Variants in PARD3B observed in about 807,000 individuals in gnomAD.
PARD3B encodes the protein par-3 family cell polarity regulator beta.
A neutral mutation model predicts 130.2 loss-of-function variants in PARD3B; 103 were observed. That is an observed-to-expected ratio of 0.79 (90% confidence interval 0.67 to 0.93). PARD3B has a LOEUF of 0.93. PARD3B is among the 40% of genes least tolerant of loss of function. The pLI is 0.00. For missense variants in PARD3B, 1,609 were observed against 1,499.2 expected, an observed-to-expected ratio of 1.07 and a Z score of -1.21; for synonymous variants, 583 against 553.2, an observed-to-expected ratio of 1.05 and a Z score of -0.76.
rs531135572 is a variant in PARD3B at position 205,300,572 on chromosome 2, A to G, written c.2228A>G (p.Lys743Arg). 7 of 1,613,890 alleles carry G rather than the reference A, an allele frequency of 4.3e-6. No homozygotes were observed. The East Asian group carries it at 1.6e-4, about 36-fold the overall frequency. The change falls in exon 17 of 23, where the codon AAG becomes AGG. Residue 743 changes from lysine to arginine, a missense_variant. Lys to Arg is a conservative substitution (Grantham distance 26, BLOSUM62 2). Coordinates refer to ENST00000406610, the MANE Select transcript of PARD3B (RefSeq NM_001302769.2). The surrounding 1 kb of genome is among the most constrained non-coding windows in gnomAD (Gnocchi z 4.1). ...TTTGGTCCAACTCTGGGTTTGAAAAAGTCCAGCTCCTTGGAGAGTCTGCAG... is the reference window on the plus strand; with the variant it reads ...TTTGGTCCAACTCTGGGTTTGAAAAGGTCCAGCTCCTTGGAGAGTCTGCAG... ...KDFGPTLGLKKSSSLESLQTA... is the reference protein window; with the variant it reads ...KDFGPTLGLKRSSSLESLQTA...
At chr2:205,561,701 C>T (rs1012679457) in intron 22 of PARD3B, among the ~76,000 whole-genome samples, 1 of 152,192 alleles carries the variant, frequency 6.6e-6, no homozygotes, top group East Asian at 1.9e-4. Context: ...ATCCGAAGAA[C>T]CTTCCTCACT....
At chr2:205,457,549 TC>T (rs1452625328) in intron 20 of PARD3B, among the ~76,000 whole-genome samples, 2 of 152,080 alleles carry the variant, frequency 1.3e-5, no homozygotes, top group African/African-American at 4.8e-5. Flanking sequence ...TATCTGTGTT[TC>T]CCAGAATACT....
chr2:205,431,199 C>G (rs759886709), intron 19 of PARD3B, among the ~76,000 whole-genome samples: 2 of 152,210 alleles, frequency 1.3e-5, no homozygotes, highest in Admixed American at 1.3e-4. Context: ...GCCTCAGCCT[C>G]CCAAGTAGCT....
intron 1 of PARD3B, among the ~76,000 whole-genome samples, chr2:204,578,451 G>C (rs1559166173): frequency 1.3e-5 from 2 of 152,034 alleles, no homozygotes; most frequent in Non-Finnish European, 2.9e-5. Flanking sequence ...ATACTTCTTT[G>C]TATATATATA....
At chr2:205,041,319 G>A (rs1463197036) in intron 3 of PARD3B, among the ~76,000 whole-genome samples, 1 of 152,160 alleles carries the variant, frequency 6.6e-6, no homozygotes, top group African/African-American at 2.4e-5. Context: ...TCAGTGGGCT[G>A]AAGCCAAGAT....
chr2:204,594,894 G>A (rs903900252), intron 1 of PARD3B, among the ~76,000 whole-genome samples: 14 of 152,118 alleles, frequency 9.2e-5, no homozygotes, highest in African/African-American at 2.4e-4. Context: ...TTGTGAAGTC[G>A]TTTGATCAGG....
intron 2 of PARD3B, among the ~76,000 whole-genome samples, chr2:204,832,803 G>A (rs2043877839): frequency 6.6e-6 from 1 of 151,930 alleles, no homozygotes; most frequent in Non-Finnish European, 1.5e-5. Context: ...CCTATTCAAC[G>A]ACACCTCCAA....
intron 2 of PARD3B, among the ~76,000 whole-genome samples, chr2:204,841,891 ATAAC>A (rs2044270672): frequency 6.7e-6 from 1 of 149,516 alleles, no homozygotes; most frequent in African/African-American, 2.4e-5. Context: ...CAACTTTAAA[ATAAC>A]AAATAATAAG....
chr2:205,190,787 T>G (rs944591031), intron 14 of PARD3B, among the ~76,000 whole-genome samples: 2 of 152,108 alleles, frequency 1.3e-5, no homozygotes, highest in African/African-American at 4.8e-5. Flanking sequence ...ATGGAAAACT[T>G]AAGTGCAAAT....
In PARD3B at chr2:204,545,491, G is replaced by A. The variant is rs1693200701; in HGVS notation, c.-509G>A. Among the ~76,000 whole-genome samples the A allele has an allele frequency of 6.6e-6, 1 of 152,014 alleles. No homozygotes were observed. The highest frequency in any genetic ancestry group is 6.5e-5 in the Admixed American group (1 of 15,272). On this transcript the variant is annotated 5_prime_UTR_variant, in exon 1 of 23. Coordinates refer to ENST00000406610, the MANE Select transcript of PARD3B (RefSeq NM_001302769.2). ...GTCGCCGGGACCGCAGGAGCCCAGAGCGCGGGCGCCGCAGAGGAGTTGGGA... is the reference window on the plus strand; with the variant it reads ...GTCGCCGGGACCGCAGGAGCCCAGAACGCGGGCGCCGCAGAGGAGTTGGGA...
At chr2:204,618,113 G>A (rs142040155) in intron 1 of PARD3B, among the ~76,000 whole-genome samples, 1 of 152,306 alleles carries the variant, frequency 6.6e-6, no homozygotes, top group East Asian at 1.9e-4. Context: ...GGACAGTGGA[G>A]AGAACGTTTT....
intron 21 of PARD3B, among the ~76,000 whole-genome samples, chr2:205,526,292 C>CTT (rs2051333627): frequency 6.6e-6 from 1 of 152,192 alleles, no homozygotes; most frequent in African/African-American, 2.4e-5. Context: ...GCAGCTATCA[C>CTT]AGGTCTGGCC....
chr2:204,771,180 AT>A (rs1048246464), intron 2 of PARD3B, among the ~76,000 whole-genome samples: 10 of 151,462 alleles, frequency 6.6e-5, no homozygotes, highest in Admixed American at 2.6e-4. Context: ...TAATTTATAG[AT>A]TTTTTTTTCT....
intron 15 of PARD3B, among the ~76,000 whole-genome samples, chr2:205,225,589 G>T (rs976392225): frequency 6.6e-6 from 1 of 152,144 alleles, no homozygotes; most frequent in East Asian, 1.9e-4. Flanking sequence ...ATGAAGAAAA[G>T]AAGTTTAATT....
intron 22 of PARD3B, among the ~76,000 whole-genome samples, chr2:205,571,015 A>T (rs1292822427): frequency 6.6e-6 from 1 of 152,226 alleles, no homozygotes; most frequent in Non-Finnish European, 1.5e-5. Flanking sequence ...TCCATTTTCT[A>T]TATGTAGGAT....
intron 21 of PARD3B, among the ~76,000 whole-genome samples, chr2:205,522,379 AT>A (rs2051112423): frequency 6.6e-6 from 1 of 151,816 alleles, no homozygotes; most frequent in African/African-American, 2.4e-5. Flanking sequence ...TAGGTTTTTT[AT>A]TTAAGTTTTT....
intron 2 of PARD3B, among the ~76,000 whole-genome samples, chr2:204,722,447 G>A (rs75768275): frequency 0.28 from 41,824 of 151,840 alleles, 7,187 homozygotes; most frequent in African/African-American, 0.49. Context: ...AACTTCTACA[G>A]TTTAAATTAA....
chr2:205,087,197 A>G (rs1007461037), intron 4 of PARD3B, among the ~76,000 whole-genome samples: 3 of 152,220 alleles, frequency 2.0e-5, no homozygotes, highest in African/African-American at 7.2e-5. Context: ...AAAATATTCT[A>G]TAGTTTGGGA....
At chr2:205,431,614 C>T (rs769937976) in intron 19 of PARD3B, among the ~76,000 whole-genome samples, 3 of 151,658 alleles carry the variant, frequency 2.0e-5, no homozygotes, top group Admixed American at 6.6e-5. Flanking sequence ...GGACTATAGG[C>T]GTCTACCACC....
Sources: gnomAD v4.1 joint callset for allele counts (sites outside exome capture counted in the v4.1 genomes callset) on GRCh38, gnomAD v4.1.1 for gene constraint, Gnocchi (gnomAD v3.1) non-coding constraint, MANE v1.5 for transcripts, NCBI Gene and HGNC (gene_info 2026-07-23, HGNC 2026-07-21) for gene names.